C4BPA: variants seen among roughly 807,000 people sequenced by gnomAD.
C4BPA encodes complement component 4 binding protein alpha.
Under a neutral mutation model 63.7 loss-of-function variants are expected in C4BPA, and 31 were observed. That is an observed-to-expected ratio of 0.49 (90% CI 0.37 to 0.66). C4BPA has a LOEUF of 0.66. Among genes scored for constraint, C4BPA ranks in the 30% least tolerant of loss-of-function variants. The probability of loss-of-function intolerance (pLI) is 0.00; values close to 1 mark genes in which losing one functional copy is unlikely to be tolerated. For synonymous variants in C4BPA, 259 were observed against 254.7 expected, an observed-to-expected ratio of 1.02 and a Z score of -0.16; for missense variants, 572 against 723.3, an observed-to-expected ratio of 0.79 and a Z score of 2.40.
intron 1 of C4BPA, among the ~76,000 whole-genome samples, chr1:207,111,334 T>C (rs1684663427): frequency 6.6e-6 from 1 of 152,208 alleles, no homozygotes; most frequent in Non-Finnish European, 1.5e-5. Flanking sequence ...TGTGAACACA[T>C]TTCCAGTAAG....
At chr1:207,110,237 G>A (rs1436867032) in intron 1 of C4BPA, among the ~76,000 whole-genome samples, 1 of 152,106 alleles carries the variant, frequency 6.6e-6, no homozygotes, top group Admixed American at 6.5e-5. Flanking sequence ...AGAAGGGACT[G>A]GCAGAATGAG....
At chr1:207,123,317 A>G (rs574561082) in intron 4 of C4BPA, among the ~76,000 whole-genome samples, 8 of 152,344 alleles carry the variant, frequency 5.3e-5, no homozygotes, top group Non-Finnish European at 1.0e-4. Context: ...GTTCTATCAC[A>G]TTGTAAGTTT....
intron 3 of C4BPA, among the ~76,000 whole-genome samples, chr1:207,115,175 C>G (rs534185053): frequency 6.6e-6 from 1 of 152,102 alleles, no homozygotes; most frequent in Non-Finnish European, 1.5e-5. Flanking sequence ...TCCTGGACCA[C>G]GTGTTCTGCT....
intron 1 of C4BPA, among the ~76,000 whole-genome samples, chr1:207,107,057 T>C (rs942599638): frequency 2.0e-5 from 3 of 152,162 alleles, no homozygotes; most frequent in African/African-American, 7.2e-5. Flanking sequence ...TACAAAACAA[T>C]GCTACAATTA....
At chr1:207,129,874 T>C (rs1488774217) in intron 7 of C4BPA, among the ~76,000 whole-genome samples, 1 of 152,166 alleles carries the variant, frequency 6.6e-6, no homozygotes, top group East Asian at 1.9e-4. Context: ...TTCTTATTCT[T>C]CATTTCTGGC....
At chr1:207,115,332 A>G in intron 3 of C4BPA, 84 bp from the exon 4 acceptor site, 1 of 709,746 alleles carries the variant, frequency 1.4e-6, no homozygotes, top group Non-Finnish European at 2.4e-6. Flanking sequence ...AGCAGAGGTG[A>G]ACCTTGGTTA....
chr1:207,123,881 T>G (rs373183962), intron 4 of C4BPA, 41 bp from the exon 5 acceptor site: 15 of 1,118,666 alleles, frequency 1.3e-5, no homozygotes, highest in Non-Finnish European at 2.0e-5. Flanking sequence ...TAATTTAGGG[T>G]AGGAGGAATT....
rs1164111231 is a variant in C4BPA, at chr1:207,114,270, A to G, written c.313A>G (p.Asn105Asp). The change falls in exon 3 of 12, where the codon AAC (asparagine) becomes GAC (aspartate). Residue 105 changes from asparagine to aspartate, a missense_variant. Coordinates refer to ENST00000367070, the MANE Select transcript of C4BPA (RefSeq NM_000715.4). ...TAATTCTGATGGCGAATGGGTGTAT[A>G]ACACCTTCTGTATCTGTAAGTATCA... is the stretch of plus-strand genomic sequence containing the variant. ...TCNSDGEWVY[N>D]TFCIYKRCRH... 2 of 1,610,810 alleles carry G rather than the reference A, an allele frequency of 1.2e-6. No homozygotes were observed. Among genetic ancestry groups the G allele is most frequent in the East Asian group, 2.2e-5 (1 of 44,804 alleles).
chr1:207,114,234 A>C lies in C4BPA; in HGVS notation c.277A>C (p.Thr93Pro), dbSNP rs770138949. 1 of 1,613,622 alleles carries C rather than the reference A, an allele frequency of 6.2e-7. No homozygotes were observed. The highest frequency in any genetic ancestry group is 8.5e-7 in the Non-Finnish European group (1 of 1,179,714). ...CTACGTCAGATCCCATTCAACTCAG[A>C]CGCTTACCTGTAATTCTGATGGCGA... Reference protein sequence around the residue: ...PGYVRSHSTQTLTCNSDGEWV... With the variant: ...PGYVRSHSTQPLTCNSDGEWV... The change falls in exon 3 of 12, where the codon ACG becomes CCG. Residue 93 changes from threonine to proline, a missense_variant. Transcript: ENST00000367070.
At chr1:207,137,681 G>A (rs897024706) in intron 9 of C4BPA, among the ~76,000 whole-genome samples, 2 of 152,024 alleles carry the variant, frequency 1.3e-5, no homozygotes, top group African/African-American at 2.4e-5. Flanking sequence ...GCAGTGGTGC[G>A]ATCTCGGCTC....
chr1:207,130,286 AAGAT>A (rs1685132847), intron 7 of C4BPA, among the ~76,000 whole-genome samples: 1 of 152,204 alleles, frequency 6.6e-6, no homozygotes, highest in Non-Finnish European at 1.5e-5. Context: ...TGTAATAAAA[AAGAT>A]AGACAATAAC....
intron 9 of C4BPA, among the ~76,000 whole-genome samples, chr1:207,140,827 C>CCTT (rs1197912438): frequency 2.0e-5 from 3 of 152,124 alleles, no homozygotes; most frequent in East Asian, 1.9e-4. Context: ...CTGAATTCAA[C>CCTT]CTTCATGCCA....
Position 207,114,097 on chromosome 1 carries a change from C to T in C4BPA, c.143-3C>T. On this transcript the variant is annotated splice_polypyrimidine_tract_variant and splice_region_variant and intron_variant, in intron 2 of 11. Coordinates refer to ENST00000367070, the MANE Select transcript of C4BPA (RefSeq NM_000715.4). ...TGGTGCTCCTTCTCATTTTGGTGTCCAGGCAATTGTGGTCCTCCACCCACT... is the reference window on the plus strand; with the variant it reads ...TGGTGCTCCTTCTCATTTTGGTGTCTAGGCAATTGTGGTCCTCCACCCACT... 1 of 1,608,536 alleles carries T rather than the reference C, an allele frequency of 6.2e-7. No homozygotes were observed. The highest frequency in any genetic ancestry group is 8.5e-7 in the Non-Finnish European group (1 of 1,176,928).
At position 207,126,854 on chromosome 1, in the gene C4BPA, C is replaced by G. The variant is rs1282089550; in HGVS notation, c.848C>G (p.Ala283Gly). Residue 283 changes from alanine to glycine, a missense_variant, in exon 7 of 12, where the codon GCT becomes GGT. Physicochemically the swap from Ala to Gly is moderately conservative, Grantham distance 60. Transcript: ENST00000367070. ...LRGSSVIHCD[A>G]DSKWNPSPPA... ...GGCAGCAGTGTAATTCATTGTGATG[C>G]TGATAGCAAATGGAATCCTTCTCCT... 1 of 1,613,050 alleles carries G rather than the reference C, an allele frequency of 6.2e-7. No individual in the cohort carries two copies. Among genetic ancestry groups the G allele is most frequent in the Non-Finnish European group, 8.5e-7 (1 of 1,179,446 alleles).
chr1:207,111,610 T>C (rs1454248683), intron 1 of C4BPA, among the ~76,000 whole-genome samples: 2 of 152,214 alleles, frequency 1.3e-5, no homozygotes, highest in Non-Finnish European at 2.9e-5. Context: ...CTCCAAGATG[T>C]TTCAGTCCCA....
At chr1:207,133,609 A>G (rs994611543) in intron 8 of C4BPA, among the ~76,000 whole-genome samples, 2 of 152,172 alleles carry the variant, frequency 1.3e-5, no homozygotes, top group African/African-American at 4.8e-5. Context: ...CCAAAAAATT[A>G]AAAACTTAGT....
At chr1:207,106,921 G>A (rs1387812957) in intron 1 of C4BPA, among the ~76,000 whole-genome samples, 2 of 152,140 alleles carry the variant, frequency 1.3e-5, no homozygotes, top group Non-Finnish European at 2.9e-5. Flanking sequence ...TTTAACAAAG[G>A]AGTCACGGGG....
intron 1 of C4BPA, among the ~76,000 whole-genome samples, chr1:207,105,707 T>A (rs1684546664): frequency 6.6e-6 from 1 of 152,090 alleles, no homozygotes; most frequent in African/African-American, 2.4e-5. Flanking sequence ...AAAAATACTA[T>A]CCTTTCACAA....
chr1:207,131,688 G>T lies in C4BPA; in HGVS notation c.1032G>T (p.Thr344=), dbSNP rs746166546. The change falls in exon 8 of 12, where the codon ACG becomes ACT. Residue 344 remains threonine (T), a synonymous_variant. Transcript: ENST00000367070. ...PGYKPTTDEP[T]TVICQKNLRW... ...ACAAACCCACTACAGATGAGCCTACGACTGTGATTTGTCAGAAAAATTTGA... is the reference window on the plus strand; with the variant it reads ...ACAAACCCACTACAGATGAGCCTACTACTGTGATTTGTCAGAAAAATTTGA... 1 of 1,613,866 alleles carries T rather than the reference G, an allele frequency of 6.2e-7. No individual in the cohort carries two copies. The highest frequency in any genetic ancestry group is 8.5e-7 in the Non-Finnish European group (1 of 1,179,910).
Sources: gnomAD v4.1 joint callset for allele counts (sites outside exome capture counted in the v4.1 genomes callset) on GRCh38, gnomAD v4.1.1 for gene constraint, MANE v1.5 for transcripts, NCBI Gene and HGNC (gene_info 2026-07-23, HGNC 2026-07-21) for gene names.